Variants in PCDHA11 observed in about 807,000 individuals in gnomAD.
PCDHA11 encodes protocadherin alpha 11, also known as protocadherin alpha-11.
Under a neutral mutation model 70.3 loss-of-function variants are expected in PCDHA11, and 61 were observed. The observed-to-expected ratio is 0.87, with a 90% CI of 0.71 to 1.07. The LOEUF is 1.07. Among genes scored for constraint, PCDHA11 ranks in the 50% least tolerant of loss-of-function variants. PCDHA11 has a pLI of 0.00. For missense variants in PCDHA11, 1,324 were observed against 1,237.5 expected (o/e 1.07, Z -1.05); for synonymous variants, 633 against 555.1 (o/e 1.14, Z -1.97).
At chr5:140,895,935 C>T (rs922054631) in intron 1 of PCDHA11, among the ~76,000 whole-genome samples, 20 of 152,028 alleles carry the variant, frequency 1.3e-4, no homozygotes, top group African/African-American at 4.1e-4. Flanking sequence ...CTCAGCCTCC[C>T]GAGTAGCTGG....
At chr5:140,890,875 T>G (rs189226344) in intron 1 of PCDHA11, among the ~76,000 whole-genome samples, 106 of 152,318 alleles carry the variant, frequency 7.0e-4, no homozygotes, top group Non-Finnish European at 1.3e-3. Flanking sequence ...CCCTCTGACC[T>G]TTCATCAGGG....
At chr5:140,876,635 C>T (rs1554168754) in intron 1 of PCDHA11, 1 of 1,614,208 alleles carries the variant, frequency 6.2e-7, no homozygotes, top group East Asian at 2.2e-5. Flanking sequence ...GTCATCTGCT[C>T]ACTGACACCT....
intron 1 of PCDHA11, among the ~76,000 whole-genome samples, chr5:140,909,403 G>A (rs533159317): frequency 2.0e-4 from 31 of 152,280 alleles, no homozygotes; most frequent in African/African-American, 7.2e-4. Flanking sequence ...AGCTGCAATT[G>A]CAGTTACCAT....
intron 1 of PCDHA11, among the ~76,000 whole-genome samples, chr5:140,903,237 T>G (rs1191816509): frequency 1.3e-5 from 2 of 152,194 alleles, no homozygotes; most frequent in Non-Finnish European, 2.9e-5. Flanking sequence ...ACTTTTTGAT[T>G]TTTAAATTAT....
At chr5:140,967,206 G>A in intron 1 of PCDHA11, 2 of 1,613,644 alleles carry the variant, frequency 1.2e-6, no homozygotes, top group South Asian at 2.2e-5. Flanking sequence ...AACTCACCGC[G>A]TTTCCCGCGG....
At chr5:140,979,126 A>G in intron 2 of PCDHA11, 119 bp downstream of exon 2, 2 of 1,481,366 alleles carry the variant, frequency 1.4e-6, no homozygotes, top group South Asian at 1.4e-5. Context: ...GTACTTTGCC[A>G]GGAAAATGCA....
At chr5:140,968,817 T>C in intron 1 of PCDHA11, 2 of 1,614,110 alleles carry the variant, frequency 1.2e-6, no homozygotes, top group Middle Eastern at 3.3e-4. Flanking sequence ...GTGGATAGGG[T>C]TTCCAAAATC....
chr5:140,954,411 G>A (rs246022), intron 1 of PCDHA11, among the ~76,000 whole-genome samples: 85,294 of 151,642 alleles, frequency 0.56, 24,563 homozygotes, highest in African/African-American at 0.69. Flanking sequence ...ACAGGGTAAA[G>A]GTGTTCCTTT....
In PCDHA11 at chr5:140,870,028, T is replaced by G; in HGVS notation, c.925T>G (p.Tyr309Asp). 1 of 1,613,550 alleles carries G rather than the reference T, an allele frequency of 6.2e-7. No individual in the cohort carries two copies. The highest frequency in any genetic ancestry group is 8.5e-7 in the Non-Finnish European group (1 of 1,179,836). The change falls in exon 1 of 4, where the codon TAT becomes GAT. Residue 309 changes from tyrosine (Y) to aspartate (D), a missense_variant. Tyr to Asp is a radical substitution (Grantham distance 160). Coordinates refer to ENST00000398640, the MANE Select transcript of PCDHA11 (RefSeq NM_018902.5). ...AGTGAGGGTCAATGGAACTTTAGAT[T>G]ATGAAGAAAACAAGTTTTATAAAAT... is the stretch of plus-strand genomic sequence containing the variant. ...GEVRVNGTLD[Y>D]EENKFYKIEV...
At chr5:140,876,539 C>T (rs1030865953) in intron 1 of PCDHA11, 5 of 1,614,170 alleles carry the variant, frequency 3.1e-6, no homozygotes, top group Admixed American at 1.7e-5. Flanking sequence ...ACTTCACTGT[C>T]GCTCCCTGTG....
intron 1 of PCDHA11, among the ~76,000 whole-genome samples, chr5:140,920,841 T>TAAA (rs781921146): frequency 2.7e-5 from 3 of 109,230 alleles, no homozygotes; most frequent in East Asian, 2.6e-4. Context: ...AGACCAAATC[T>TAAA]AAAAAAAAAA....
chr5:140,971,284 A>G lies in PCDHA11; in HGVS notation c.2392-7665A>G, dbSNP rs573117700. 1.7e-3 allele frequency among the ~76,000 whole-genome samples: 257 copies of G among 152,334 alleles called. 1 individual carries two copies. The highest frequency in any genetic ancestry group is 3.4e-3 in the Non-Finnish European group (234 of 68,028). ...CTGTCTTACACTGACCTGTATATTAATATGTACTTTGGTACACAAACATTT... is the reference window on the plus strand; with the variant it reads ...CTGTCTTACACTGACCTGTATATTAGTATGTACTTTGGTACACAAACATTT... On this transcript the variant is annotated intron_variant, in intron 1 of 3. Transcript: ENST00000398640.
rs77462249 is a variant in PCDHA11 at position 141,008,293 on chromosome 5, C to G, written c.2540-1334C>G. ...ATAGGAAATTGAAATAGCAGTTGTA[C>G]CCAACCCTAAACTGTAATTGAACAT... On this transcript the variant is annotated intron_variant, in intron 3 of 3. Coordinates refer to ENST00000398640, the MANE Select transcript of PCDHA11 (RefSeq NM_018902.5). 3.5e-3 allele frequency among the ~76,000 whole-genome samples: 527 copies of G among 152,254 alleles called. 1 individual carries two copies. The highest frequency in any genetic ancestry group is 5.9e-3 in the Non-Finnish European group (399 of 68,006).
rs73793540 is a variant in PCDHA11, at chr5:140,959,705, G to T, written c.2392-19244G>T. 8.9e-3 allele frequency among the ~76,000 whole-genome samples: 1,358 copies of T among 152,238 alleles called. 14 individuals are homozygous for T. The highest frequency in any genetic ancestry group is 0.032 in the African/African-American group (1,312 of 41,544). On this transcript the variant is annotated intron_variant, in intron 1 of 3. Coordinates refer to ENST00000398640, the MANE Select transcript of PCDHA11 (RefSeq NM_018902.5). ...AATTTCAATAAAATGAGCTTTGAAA[G>T]GGAAAATTTTTAGATAACATTATCT...
At chr5:140,951,440 A>G (rs1296002857) in intron 1 of PCDHA11, among the ~76,000 whole-genome samples, 2 of 152,004 alleles carry the variant, frequency 1.3e-5, no homozygotes, top group Non-Finnish European at 2.9e-5. Flanking sequence ...TGTAGGAAGC[A>G]TGATGCCGGC....
At chr5:140,926,584 C>A in intron 1 of PCDHA11, 1 of 285,402 alleles carries the variant, frequency 3.5e-6, no homozygotes, top group Non-Finnish European at 6.4e-6. Context: ...GCACCTCTCG[C>A]GCCCGGGCGG....
rs2098416660 is a variant in PCDHA11, at chr5:141,010,249, T to C, written c.*312T>C. ...GCCCCGCCAGTGAGAGGTTGGACTC[T>C]CTGCCCTGTGCTCCGGGGATCCTGT... On this transcript the variant is annotated 3_prime_UTR_variant, in exon 4 of 4. Coordinates refer to ENST00000398640, the MANE Select transcript of PCDHA11 (RefSeq NM_018902.5). 2 of 1,551,772 alleles carry C rather than the reference T, an allele frequency of 1.3e-6. No homozygotes were observed. Among genetic ancestry groups the C allele is most frequent in the Non-Finnish European group, 1.7e-6 (2 of 1,147,036 alleles).
At position 140,871,141 on chromosome 5, in the gene PCDHA11, C is replaced by T. The variant is rs1431247385; in HGVS notation, c.2038C>T (p.Arg680Trp). 6.2e-7 allele frequency: 1 copy of T among 1,613,320 alleles called. No individual in the cohort carries two copies. Among genetic ancestry groups the T allele is most frequent in the Admixed American group, 1.7e-5 (1 of 60,012 alleles). ...CGGACAGGCGCCAAAGGCCTCTTCC[C>T]GGACTTTGGCGGGCGCCGCGAGCCC... Reference protein sequence around the residue: ...ESGQAPKASSRTLAGAASPEA... With the variant: ...ESGQAPKASSWTLAGAASPEA... The change falls in exon 1 of 4, where the codon CGG becomes TGG. Residue 680 changes from arginine to tryptophan, a missense_variant. Coordinates refer to ENST00000398640, the MANE Select transcript of PCDHA11 (RefSeq NM_018902.5).
At chr5:140,875,250 C>A in intron 1 of PCDHA11, 1 of 1,016,106 alleles carries the variant, frequency 9.8e-7, no homozygotes, top group Non-Finnish European at 1.4e-6. Context: ...CATAATCAGT[C>A]ACATGATGTC....
Sources: gnomAD v4.1 joint callset for allele counts (sites outside exome capture counted in the v4.1 genomes callset) on GRCh38, gnomAD v4.1.1 for gene constraint, MANE v1.5 for transcripts, NCBI Gene and HGNC (gene_info 2026-07-23, HGNC 2026-07-21) for gene names.